Variants in FOXK1 observed in about 807,000 individuals in gnomAD.
FOXK1 encodes forkhead box K1.
In FOXK1, 19 loss-of-function variants were observed where a neutral mutation model predicts 51.9. That is an observed-to-expected ratio of 0.37 (90% CI 0.26 to 0.54). FOXK1 has a LOEUF of 0.54. Among genes scored for constraint, FOXK1 ranks in the 20% least tolerant of loss-of-function variants. The probability of loss-of-function intolerance (pLI) is 0.87; values close to 1 mark genes in which losing one functional copy is unlikely to be tolerated. For missense variants in FOXK1, 870 were observed against 1,032.7 expected (o/e 0.84, Z 2.16); for synonymous variants, 537 against 482.6 (o/e 1.11, Z -1.48).
At chr7:4,689,011 T>C (rs1193462447) in intron 1 of FOXK1, among the ~76,000 whole-genome samples, 2 of 150,626 alleles carry the variant, frequency 1.3e-5, no homozygotes, top group African/African-American at 2.4e-5. Context: ...AGTTTCACTC[T>C]TGTCACCCAG....
At chr7:4,740,414 A>G (rs1172767741) in intron 1 of FOXK1, among the ~76,000 whole-genome samples, 1 of 138,758 alleles carries the variant, frequency 7.2e-6, no homozygotes, top group Non-Finnish European at 1.6e-5. Context: ...TGGGCGACAG[A>G]GTGAGACTCC....
rs11971996 is a variant in FOXK1 at position 4,709,726 on chromosome 7, G to A, written c.560+26858G>A. ...TTACGCCATTGGTTTGGACCCTGGA[G>A]CAGTGAAGTTCCACAGTGTCATGAT... On this transcript the variant is annotated intron_variant, in intron 1 of 8. Transcript: ENST00000328914. The surrounding 1 kb of genome is among the most constrained non-coding windows in gnomAD (Gnocchi z 5.6). Among the ~76,000 whole-genome samples the A allele has an allele frequency of 0.07, 10,605 of 152,314 alleles. 447 individuals are homozygous for A. The highest frequency in any genetic ancestry group is 0.13 in the African/African-American group (5,400 of 41,552).
In FOXK1 at chr7:4,759,425, C is replaced by T. The variant is rs373350998; in HGVS notation, c.1526C>T (p.Ala509Val). ...PASIVTSQQP[A>V]GHAIHVVQQA... ...TCCATCGTAACCTCACAGCAGCCCG[C>T]GGGCCACGCCATCCACGTCGTGCAG... The change falls in exon 7 of 9, where the codon GCG becomes GTG. Residue 509 changes from alanine (A) to valine (V), a missense_variant. Ala to Val is a moderately conservative substitution (Grantham distance 64). Around this residue, in one of 3 missense-constraint regions of FOXK1, gnomAD observed 457 missense variants for 510.8 expected, o/e 0.89. Transcript: ENST00000328914. The T allele has an allele frequency of 2.3e-5, 37 of 1,596,974 alleles. No individual in the cohort carries two copies. The Admixed American group carries it at 3.6e-4, about 15-fold the overall frequency.
At position 4,749,636 on chromosome 7, in the gene FOXK1, C is replaced by T. The variant is rs1265100266; in HGVS notation, c.747-4823C>T. 6.6e-6 allele frequency among the ~76,000 whole-genome samples: 1 copy of T among 152,218 alleles called. No homozygotes were observed. Among genetic ancestry groups the T allele is most frequent in the Non-Finnish European group, 1.5e-5 (1 of 68,024 alleles). On this transcript the variant is annotated intron_variant, in intron 2 of 8. Coordinates refer to ENST00000328914, the MANE Select transcript of FOXK1 (RefSeq NM_001037165.2). This position sits in a 1 kb window ranked among gnomAD's most constrained non-coding sequence, Gnocchi z 6.0. The stretch of plus-strand genomic sequence containing the variant: ...TCAGGAGGGATCAGGTCCCTTCTGA[C>T]AGAGCACTGTCCTCCCTGGGCCTGC...
At chr7:4,700,170 G>A in intron 1 of FOXK1, among the ~76,000 whole-genome samples, 1 of 152,198 alleles carries the variant, frequency 6.6e-6, no homozygotes, top group East Asian at 1.9e-4. Context: ...GTTGTTTGTG[G>A]TTATATTTAT....
chr7:4,690,505 G>A (rs1323796418), intron 1 of FOXK1, among the ~76,000 whole-genome samples: 1 of 152,242 alleles, frequency 6.6e-6, no homozygotes, highest in Non-Finnish European at 1.5e-5. Flanking sequence ...AAAACTATGA[G>A]CCACTTTCTA....
rs1241905456 is a variant in FOXK1 at position 4,764,191 on chromosome 7, C to A, written c.*1727C>A. On this transcript the variant is annotated 3_prime_UTR_variant, in exon 9 of 9. Transcript: ENST00000328914. ...CAGTGGAGTGGGGTCGCCCGTGGCC[C>A]CCATCAGAGTCCCCGTCCCCCAGGA... 6.5e-6 allele frequency: 1 copy of A among 153,758 alleles called. No homozygotes were observed. Among genetic ancestry groups the A allele is most frequent in the Non-Finnish European group, 1.5e-5 (1 of 68,306 alleles). 9.5% of individuals were successfully genotyped at this position (153,758 alleles called of 1,614,324 possible).
In FOXK1 at chr7:4,762,522, C is replaced by A; in HGVS notation, c.*58C>A. 6.7e-7 allele frequency: 1 copy of A among 1,486,006 alleles called. No individual in the cohort carries two copies. The highest frequency in any genetic ancestry group is 9.0e-7 in the Non-Finnish European group (1 of 1,110,070). The allele number at this position is 1,486,006 out of a possible 1,614,324, so 92.1% of individuals were successfully genotyped here. On this transcript the variant is annotated 3_prime_UTR_variant, in exon 9 of 9. Coordinates refer to ENST00000328914, the MANE Select transcript of FOXK1 (RefSeq NM_001037165.2). The surrounding 1 kb of genome is among the most constrained non-coding windows in gnomAD (Gnocchi z 5.7). ...CCAGCGGCGACCCCGAAGCTGGACC[C>A]GGCAGCTCAGGCGGCCGCACCCACA...
In FOXK1 at chr7:4,711,076, C is replaced by T. The variant is rs946704388; in HGVS notation, c.560+28208C>T. Among the ~76,000 whole-genome samples the T allele has an allele frequency of 1.3e-5, 2 of 152,150 alleles. No homozygotes were observed. Among genetic ancestry groups the T allele is most frequent in the African/African-American group, 2.4e-5 (1 of 41,438 alleles). ...TAGAGAAGATGGAGATGGATGGAGACGGCTGTCCATCAGCTGTGCAGGGCC... is the reference window on the plus strand; with the variant it reads ...TAGAGAAGATGGAGATGGATGGAGATGGCTGTCCATCAGCTGTGCAGGGCC... On this transcript the variant is annotated intron_variant, in intron 1 of 8. Transcript: ENST00000328914. This position sits in a 1 kb window ranked among gnomAD's most constrained non-coding sequence, Gnocchi z 6.3.
chr7:4,721,244 G>A (rs1013425006), intron 1 of FOXK1, among the ~76,000 whole-genome samples: 1 of 152,178 alleles, frequency 6.6e-6, no homozygotes, highest in African/African-American at 2.4e-5. Context: ...CATCGTGGGG[G>A]CTTTGCCTGT....
At position 4,692,000 on chromosome 7, in the gene FOXK1, G is replaced by A. The variant is rs190122681; in HGVS notation, c.560+9132G>A. On this transcript the variant is annotated intron_variant, in intron 1 of 8. Coordinates refer to ENST00000328914, the MANE Select transcript of FOXK1 (RefSeq NM_001037165.2). Reference sequence around the variant, plus strand: ...TCTTATACTCCTACACATTACTGGGGACCCCAAAGAGCTTTGGTTTATATG... The same window carrying A: ...TCTTATACTCCTACACATTACTGGGAACCCCAAAGAGCTTTGGTTTATATG... Among the ~76,000 whole-genome samples the A allele has an allele frequency of 4.3e-4, 66 of 152,148 alleles. 1 individual carries two copies. Among genetic ancestry groups the A allele is most frequent in the African/African-American group, 1.5e-3 (63 of 41,510 alleles).
At chr7:4,712,804 C>A (rs184061671) in intron 1 of FOXK1, among the ~76,000 whole-genome samples, 1 of 152,216 alleles carries the variant, frequency 6.6e-6, no homozygotes, top group East Asian at 1.9e-4. Flanking sequence ...GCTCAAACAG[C>A]CAGGGCAGGG....
intron 1 of FOXK1, among the ~76,000 whole-genome samples, chr7:4,698,194 A>C (rs1351323948): frequency 6.6e-6 from 1 of 152,068 alleles, no homozygotes; most frequent in East Asian, 1.9e-4. Context: ...AGATGAGTCC[A>C]AATAACTCCT....
chr7:4,689,245 C>T (rs1354392831), intron 1 of FOXK1, among the ~76,000 whole-genome samples: 3 of 152,020 alleles, frequency 2.0e-5, no homozygotes, highest in African/African-American at 2.4e-5. Context: ...CCCAGAGTGC[C>T]GGGATTGCAG....
rs1169905948 is a variant in FOXK1 at position 4,709,179 on chromosome 7, G to A, written c.560+26311G>A. Among the ~76,000 whole-genome samples, 2 of 152,134 alleles carry A rather than the reference G, an allele frequency of 1.3e-5. No individual in the cohort carries two copies. Among genetic ancestry groups the A allele is most frequent in the Non-Finnish European group, 2.9e-5 (2 of 68,016 alleles). ...CCTAGCTGTTGCTGTGCACACTGGG[G>A]GCCCGAGGCCCCAGGATACCCCCGT... is the stretch of plus-strand genomic sequence containing the variant. On this transcript the variant is annotated intron_variant, in intron 1 of 8. Transcript: ENST00000328914. This position sits in a 1 kb window ranked among gnomAD's most constrained non-coding sequence, Gnocchi z 5.6.
At chr7:4,727,848 G>GA (rs1780400433) in intron 1 of FOXK1, among the ~76,000 whole-genome samples, 1 of 152,234 alleles carries the variant, frequency 6.6e-6, no homozygotes, top group African/African-American at 2.4e-5. Flanking sequence ...GGCCATGCCT[G>GA]AACCTCTCCT....
At position 4,745,098 on chromosome 7, in the gene FOXK1, C is replaced by G. The variant is rs958881811; in HGVS notation, c.746+4075C>G. Among the ~76,000 whole-genome samples, 1 of 152,250 alleles carries G rather than the reference C, an allele frequency of 6.6e-6. No individual in the cohort carries two copies. The highest frequency in any genetic ancestry group is 1.5e-5 in the Non-Finnish European group (1 of 68,040). On this transcript the variant is annotated intron_variant, in intron 2 of 8. Transcript: ENST00000328914. This position sits in a 1 kb window ranked among gnomAD's most constrained non-coding sequence, Gnocchi z 4.3. Reference sequence around the variant, plus strand: ...TTCCCTGCCACCTCCCCACTCTCCTCCTCTCTGGCTGCGCTCCCTAACAGA... The same window carrying G: ...TTCCCTGCCACCTCCCCACTCTCCTGCTCTCTGGCTGCGCTCCCTAACAGA...
chr7:4,759,803 G>T (rs1780907847), intron 7 of FOXK1: 2 of 642,348 alleles, frequency 3.1e-6, no homozygotes, highest in Admixed American at 6.4e-5. Flanking sequence ...GGCCAAAGCG[G>T]GTGGATTACT....
rs1378324947 is a variant in FOXK1, at chr7:4,715,088, A to G, written c.561-25750A>G. The stretch of plus-strand genomic sequence containing the variant: ...ATCAGATGAGTTTCACGGCTTTAGT[A>G]CAGAAAATATTCAAAGCCAGTGCAG... On this transcript the variant is annotated intron_variant, in intron 1 of 8. Coordinates refer to ENST00000328914, the MANE Select transcript of FOXK1 (RefSeq NM_001037165.2). The surrounding 1 kb of genome is among the most constrained non-coding windows in gnomAD (Gnocchi z 4.5). 6.6e-6 allele frequency among the ~76,000 whole-genome samples: 1 copy of G among 152,024 alleles called. No homozygotes were observed.
Sources: allele counts gnomAD v4.1 joint callset (sites outside exome capture counted in the v4.1 genomes callset), GRCh38; gene constraint gnomAD v4.1.1; regional missense constraint gnomAD v4.1.1; non-coding constraint Gnocchi (gnomAD v3.1); transcripts MANE v1.5; gene names NCBI Gene and HGNC (gene_info 2026-07-23, HGNC 2026-07-21).